C5: variants seen among roughly 807,000 people sequenced by gnomAD.
C5 encodes complement C5, also known as C3 and PZP-like alpha-2-macroglobulin domain-containing protein 4.
In C5, 140 loss-of-function variants were observed where a neutral mutation model predicts 218.8. The observed-to-expected ratio is 0.64, with a 90% CI of 0.56 to 0.74. The LOEUF (loss-of-function observed/expected upper bound fraction) is 0.74. Among genes scored for constraint, C5 ranks in the 30% least tolerant of loss-of-function variants. The pLI, the probability that C5 is intolerant of heterozygous loss-of-function variation, is 0.00. For synonymous variants in C5, 614 were observed against 682.3 expected, an observed-to-expected ratio of 0.90 and a Z score of 1.56; for missense variants, 1,700 against 1,969.6, an observed-to-expected ratio of 0.86 and a Z score of 2.59.
chr9:121,047,627 C>T (rs2047639300), intron 1 of C5, among the ~76,000 whole-genome samples: 1 of 152,162 alleles, frequency 6.6e-6, no homozygotes, highest in South Asian at 2.1e-4. Flanking sequence ...AACATTGTGA[C>T]ATTTTAAGAG....
intron 25 of C5, among the ~76,000 whole-genome samples, chr9:120,987,169 T>G (rs2047038733): frequency 1.3e-5 from 2 of 152,128 alleles, no homozygotes; most frequent in Admixed American, 6.5e-5. Flanking sequence ...TCCGGAAACC[T>G]AGAAATATGG....
chr9:120,989,103 G>A lies in C5; in HGVS notation c.3173C>T (p.Ser1058Phe). Residue 1058 changes from serine to phenylalanine, a missense_variant, in exon 25 of 41, where the codon TCC becomes TTC. By Grantham distance (155) the Ser-to-Phe change is radical. Coordinates refer to ENST00000223642, the MANE Select transcript of C5 (RefSeq NM_001735.3). ...GTAAGAGTAGTCAGCATTTCTGTAG[G>A]ACATAATGCTCAACATCCCTAAGAA... ...KLKEGMLSIM[S>F]YRNADYSYSV... The A allele has an allele frequency of 2.5e-6, 4 of 1,613,340 alleles. No homozygotes were observed. The highest frequency in any genetic ancestry group is 2.5e-6 in the Non-Finnish European group (3 of 1,179,342).
intron 38 of C5, among the ~76,000 whole-genome samples, chr9:120,957,944 T>A (rs945939474): frequency 6.6e-6 from 1 of 152,260 alleles, no homozygotes; most frequent in Non-Finnish European, 1.5e-5. Flanking sequence ...TATCAATGTT[T>A]GATGCATAAT....
In C5 at chr9:121,007,182, C is replaced by T. The variant is rs12686836; in HGVS notation, c.2349-205G>A. ...ATATATTGCATGTTTTTAGACATTG[C>T]ACCTCTATGATGAGAATTCAAGTTC... On this transcript the variant is annotated intron_variant, in intron 18 of 40. Coordinates refer to ENST00000223642, the MANE Select transcript of C5 (RefSeq NM_001735.3). Among the ~76,000 whole-genome samples the T allele has an allele frequency of 6.0e-4, 91 of 152,272 alleles. 2 individuals are homozygous for T. In the East Asian group the frequency reaches 0.013, roughly 21 times the overall value.
intron 3 of C5, among the ~76,000 whole-genome samples, chr9:121,038,589 T>C (rs2047550593): frequency 6.6e-6 from 1 of 152,236 alleles, no homozygotes; most frequent in South Asian, 2.1e-4. Context: ...AATAGATCCC[T>C]ACTTTTTAAA....
chr9:121,073,575 G>T, the C5 span, among the ~76,000 whole-genome samples: 1 of 146,814 alleles, frequency 6.8e-6, no homozygotes, highest in Non-Finnish European at 1.5e-5. Context: ...GGAGTGCAGT[G>T]GCGCGATCTC....
Position 121,025,600 on chromosome 9 carries a change from G to A in C5, c.874-20C>T. 1.2e-6 allele frequency: 2 copies of A among 1,608,866 alleles called. No individual in the cohort carries two copies. Among genetic ancestry groups the A allele is most frequent in the Non-Finnish European group, 8.5e-7 (1 of 1,178,298 alleles). ...TATCAACTTTTTAAAAGGAGAAAAA[G>A]GAGGAGTTATTTCGGAGAAGAACTT... is the stretch of plus-strand genomic sequence containing the variant. On this transcript the variant is annotated intron_variant, in intron 8 of 40. Coordinates refer to ENST00000223642, the MANE Select transcript of C5 (RefSeq NM_001735.3).
chr9:121,073,868 G>A, the C5 span, among the ~76,000 whole-genome samples: 1 of 152,102 alleles, frequency 6.6e-6, no homozygotes, highest in African/African-American at 2.4e-5. Flanking sequence ...ATAGGTAAAA[G>A]GACCTCATTT....
chr9:121,042,858 T>G, intron 3 of C5, 146 bp downstream of exon 3: 8 of 613,858 alleles, frequency 1.3e-5, no homozygotes, highest in East Asian at 1.1e-4. Flanking sequence ...TATTTGTAAG[T>G]ATAGATGTCT....
At chr9:120,970,803 A>T (rs755334903) in intron 31 of C5, among the ~76,000 whole-genome samples, 185 of 152,378 alleles carry the variant, frequency 1.2e-3, no homozygotes, top group Non-Finnish European at 2.1e-3. Flanking sequence ...GATTAAAATT[A>T]TTAATAGGAT....
chr9:121,034,682 G>GA, intron 5 of C5, 121 bp downstream of exon 5: 4 of 638,908 alleles, frequency 6.3e-6, no homozygotes, highest in Non-Finnish European at 1.1e-5. Flanking sequence ...AACTTCAAAA[G>GA]ATTTTGCATA....
chr9:121,017,722 A>C lies in C5; in HGVS notation c.1637T>G (p.Val546Gly). The change falls in exon 13 of 41, where the codon GTC becomes GGC. Residue 546 changes from valine to glycine, a missense_variant. By Grantham distance (109) the Val-to-Gly change is moderately radical. Transcript: ENST00000223642. ...PSSRLLVYYIVTGEQTAELVS... is the reference protein window; with the variant it reads ...PSSRLLVYYIGTGEQTAELVS... ...TAATTCTGCTGTCTGTTCTCCTGTG[A>C]CGATGTAATAGACCAGAAGTCGGGA... The C allele has an allele frequency of 6.2e-7, 1 of 1,613,254 alleles. No individual in the cohort carries two copies. The highest frequency in any genetic ancestry group is 8.5e-7 in the Non-Finnish European group (1 of 1,179,298).
At chr9:120,980,355 G>C (rs1246268450) in intron 27 of C5, 101 bp from the exon 28 acceptor site, 16 of 995,546 alleles carry the variant, frequency 1.6e-5, no homozygotes, top group Non-Finnish European at 2.5e-5. Flanking sequence ...AAGCAATATG[G>C]GGGTGAAAAG....
At chr9:121,028,611 G>C (rs184509938) in intron 7 of C5, among the ~76,000 whole-genome samples, 145 of 152,212 alleles carry the variant, frequency 9.5e-4, no homozygotes, top group African/African-American at 3.3e-3. Flanking sequence ...ACCAAATGCC[G>C]CATGTTCTCA....
chr9:121,018,745 G>GAAA (rs1554723557), intron 12 of C5, among the ~76,000 whole-genome samples: 5,881 of 66,558 alleles, frequency 0.088, 335 homozygotes, highest in African/African-American at 0.18. Context: ...AGGAAGGAAA[G>GAAA]GAAGGAAGGA....
intron 20 of C5, among the ~76,000 whole-genome samples, chr9:121,001,182 A>G (rs1247215374): frequency 1.3e-5 from 2 of 152,188 alleles, no homozygotes; most frequent in Non-Finnish European, 2.9e-5. Flanking sequence ...ACTATGGGCC[A>G]AGTACTATAT....
At chr9:120,970,910 G>T (rs1038868929) in intron 31 of C5, among the ~76,000 whole-genome samples, 1 of 152,162 alleles carries the variant, frequency 6.6e-6, no homozygotes, top group Non-Finnish European at 1.5e-5. Context: ...GGTGGCTCGC[G>T]CCCATAATCC....
At chr9:120,955,714 T>TTG (rs2046779473) in intron 39 of C5, among the ~76,000 whole-genome samples, 1 of 152,114 alleles carries the variant, frequency 6.6e-6, no homozygotes, top group Non-Finnish European at 1.5e-5. Context: ...TAAAAAAAAT[T>TTG]ATCAAAGTGT....
chr9:120,984,365 A>G (rs185382004), intron 25 of C5, among the ~76,000 whole-genome samples: 120 of 152,296 alleles, frequency 7.9e-4, no homozygotes, highest in Non-Finnish European at 1.5e-3. Flanking sequence ...CACTGCTCTC[A>G]AGGATGAGAA....
Sources: allele counts gnomAD v4.1 joint callset (sites outside exome capture counted in the v4.1 genomes callset), GRCh38; gene constraint gnomAD v4.1.1; transcripts MANE v1.5; gene names NCBI Gene and HGNC (gene_info 2026-07-23, HGNC 2026-07-21).